Variants in ZFC3H1 observed in about 807,000 individuals in gnomAD.
The protein encoded by ZFC3H1 is zinc finger C3H1-type containing, also known as zinc finger C3H1 domain-containing protein.
A neutral mutation model predicts 243.7 loss-of-function variants in ZFC3H1; 71 were observed. The ratio of observed to expected loss-of-function variants is 0.29; its 90% CI spans 0.24 to 0.36. The LOEUF is 0.36. Ranked by LOEUF, ZFC3H1 falls within the 10% of genes least tolerant of loss-of-function variation. The pLI, the probability that ZFC3H1 is intolerant of heterozygous loss-of-function variation, is 1.00. For synonymous variants in ZFC3H1, 838 were observed against 813.0 expected, an observed-to-expected ratio of 1.03 and a Z score of -0.52; for missense variants, 1,966 against 2,317.1, an observed-to-expected ratio of 0.85 and a Z score of 3.11.
Position 71,628,964 on chromosome 12 carries a change from A to G in ZFC3H1, c.3900T>C (p.Asn1300=). 1 of 1,613,156 alleles carries G rather than the reference A, an allele frequency of 6.2e-7. No individual in the cohort carries two copies. The highest frequency in any genetic ancestry group is 1.1e-5 in the South Asian group (1 of 90,948). Residue 1300 remains asparagine (N), a synonymous_variant, in exon 20 of 35, where the codon AAT becomes AAC. Transcript: ENST00000378743. The part of the protein sequence containing the change: ...PKFWRKPISD[N]SFSSDEEQST... ...ACTGTTCCTCATCACTACTGAAGCTATTATCTGAAATAGGTTTTCTCCAAA... is the reference window on the plus strand; with the variant it reads ...ACTGTTCCTCATCACTACTGAAGCTGTTATCTGAAATAGGTTTTCTCCAAA...
At chr12:71,635,711 T>G (rs150739135) in intron 9 of ZFC3H1, 131 bp from the exon 10 acceptor site, 1 of 762,540 alleles carries the variant, frequency 1.3e-6, no homozygotes, top group East Asian at 3.1e-5. Context: ...TATTACATAA[T>G]CCACTGAGTC....
In ZFC3H1 at chr12:71,627,884, T is replaced by A; in HGVS notation, c.3997A>T (p.Thr1333Ser). The change falls in exon 21 of 35, where the codon ACT (threonine) becomes TCT (serine). Residue 1333 changes from threonine to serine, a missense_variant. Thr to Ser is a moderately conservative substitution (Grantham distance 58). Coordinates refer to ENST00000378743, the MANE Select transcript of ZFC3H1 (RefSeq NM_144982.5). ...GTAAAGTATCTGACATCATCTGGAG[T>A]GACAACTGTATCCAGAGCTGGAACA... ...INVPALDTVV[T>S]PDDVRYFTNE... is the part of the protein sequence containing the mutation. The A allele has an allele frequency of 6.2e-7, 1 of 1,613,466 alleles. No individual in the cohort carries two copies. Among genetic ancestry groups the A allele is most frequent in the Non-Finnish European group, 8.5e-7 (1 of 1,179,788 alleles).
chr12:71,620,283 C>T lies in ZFC3H1; in HGVS notation c.4777G>A (p.Ala1593Thr), dbSNP rs1879993267. ...CAGGCCTCTATTCTTTCCTCAACAG[C>T]AAGGCTCTCATCTGTGCAAGCTTTC... ...AVKACTDESL[A>T]VEERIEACLP... is the part of the protein sequence containing the mutation. Residue 1593 changes from alanine (A) to threonine (T), a missense_variant, in exon 25 of 35, where the codon GCT becomes ACT. Ala to Thr is a moderately conservative substitution (Grantham distance 58). Coordinates refer to ENST00000378743, the MANE Select transcript of ZFC3H1 (RefSeq NM_144982.5). 1.9e-6 allele frequency: 3 copies of T among 1,614,044 alleles called. No homozygotes were observed. The highest frequency in any genetic ancestry group is 1.7e-6 in the Non-Finnish European group (2 of 1,180,026).
intron 1 of ZFC3H1, among the ~76,000 whole-genome samples, chr12:71,660,995 T>TA (rs1881157311): frequency 6.6e-6 from 1 of 151,466 alleles, no homozygotes; most frequent in African/African-American, 2.4e-5. Flanking sequence ...TTTTTTTAAT[T>TA]AAAAAAATTT....
At chr12:71,635,402 A>T (rs965156649) in intron 10 of ZFC3H1, 41 bp downstream of exon 10, 2 of 1,543,800 alleles carry the variant, frequency 1.3e-6, no homozygotes, top group Non-Finnish European at 1.7e-6. Context: ...ACTGATCATC[A>T]AAAGGTCATC....
At chr12:71,621,683 T>G (rs1880032783) in intron 24 of ZFC3H1, among the ~76,000 whole-genome samples, 1 of 152,106 alleles carries the variant, frequency 6.6e-6, no homozygotes. Context: ...ATACTACTCC[T>G]ACCATCAAAA....
intron 13 of ZFC3H1, 83 bp from the exon 14 acceptor site, chr12:71,633,100 G>T: frequency 6.9e-7 from 1 of 1,454,280 alleles, no homozygotes; most frequent in South Asian, 1.3e-5. Flanking sequence ...CGTGGCTTTT[G>T]AGCATTCAAC....
Position 71,638,803 on chromosome 12 carries a change from C to A in ZFC3H1, c.1628-288G>T, listed in dbSNP as rs1260463655. 2.0e-5 allele frequency among the ~76,000 whole-genome samples: 3 copies of A among 151,568 alleles called. No homozygotes were observed. In the East Asian group the frequency reaches 5.8e-4, roughly 29 times the overall value. On this transcript the variant is annotated intron_variant, in intron 6 of 34. Transcript: ENST00000378743. ...GAACAGGGAATAAAGCAGGAAAAGA[C>A]AGAAACATACTTTAAAAAAACAAAC...
At chr12:71,624,694 G>C (rs1237379349) in intron 22 of ZFC3H1, among the ~76,000 whole-genome samples, 1 of 152,230 alleles carries the variant, frequency 6.6e-6, no homozygotes, top group Non-Finnish European at 1.5e-5. Context: ...TTAGAAATGT[G>C]CTGGACGCGA....
chr12:71,627,547 C>T (rs890979191), intron 21 of ZFC3H1, among the ~76,000 whole-genome samples: 3 of 152,088 alleles, frequency 2.0e-5, no homozygotes, highest in African/African-American at 4.8e-5. Flanking sequence ...ATTACCCATA[C>T]ACTGAGCCAT....
In ZFC3H1 at chr12:71,663,340, G is replaced by C; in HGVS notation, c.271C>G (p.His91Asp). 2 of 1,613,196 alleles carry C rather than the reference G, an allele frequency of 1.2e-6. No individual in the cohort carries two copies. The highest frequency in any genetic ancestry group is 1.7e-6 in the Non-Finnish European group (2 of 1,180,026). ...CTGAGGTGGCCCCGCTCAGACGCGT[G>C]CCGCGAGCGTGAGAAATTCCTCAGC... Reference protein sequence around the residue: ...QQLRNFSRSRHASERGHLRGP... With the variant: ...QQLRNFSRSRDASERGHLRGP... The change falls in exon 1 of 35, where the codon CAC (histidine) becomes GAC (aspartate). Residue 91 changes from histidine (H) to aspartate (D), a missense_variant. Transcript: ENST00000378743.
intron 13 of ZFC3H1, 87 bp from the exon 14 acceptor site, chr12:71,633,104 A>G: frequency 6.9e-7 from 1 of 1,439,930 alleles, no homozygotes; most frequent in Non-Finnish European, 9.3e-7. Flanking sequence ...GCTTTTGAGC[A>G]TTCAACTGAA....
intron 1 of ZFC3H1, among the ~76,000 whole-genome samples, chr12:71,661,964 G>C (rs1375695840): frequency 6.6e-6 from 1 of 152,136 alleles, no homozygotes; most frequent in Non-Finnish European, 1.5e-5. Flanking sequence ...TTCTATAAAA[G>C]TAATTCTGAT....
rs1880628615 is a variant in ZFC3H1 at position 71,642,655 on chromosome 12, A to G, written c.1504-96T>C. 3.6e-6 allele frequency: 5 copies of G among 1,405,622 alleles called. No homozygotes were observed. The African/African-American group carries it at 4.3e-5, about 12-fold the overall frequency. The allele number at this position is 1,405,622 out of a possible 1,614,324, so 87.1% of individuals were successfully genotyped here. A position where few individuals can be genotyped will look rare whatever the true frequency, so the allele number is the denominator to read the frequency against. On this transcript the variant is annotated intron_variant, in intron 5 of 34. Transcript: ENST00000378743. ...AGTTATCTTCTATGGAAGAGTATCAAAAATCATGGTGATTCAGTTAGATGT... is the reference window on the plus strand; with the variant it reads ...AGTTATCTTCTATGGAAGAGTATCAGAAATCATGGTGATTCAGTTAGATGT...
intron 2 of ZFC3H1, among the ~76,000 whole-genome samples, chr12:71,651,338 C>T (rs1880881478): frequency 6.6e-6 from 1 of 152,210 alleles, no homozygotes; most frequent in African/African-American, 2.4e-5. Context: ...ATTAGTGCTG[C>T]AACCTGTATC....
intron 2 of ZFC3H1, among the ~76,000 whole-genome samples, chr12:71,653,278 G>A (rs1023188118): frequency 6.6e-6 from 1 of 152,136 alleles, no homozygotes; most frequent in Admixed American, 6.5e-5. Flanking sequence ...TGGGCTTAAG[G>A]CAAATCGAAT....
chr12:71,628,769 G>T, intron 20 of ZFC3H1, 149 bp downstream of exon 20: 1 of 674,604 alleles, frequency 1.5e-6, no homozygotes, highest in South Asian at 2.6e-5. Context: ...TGAATTAACT[G>T]TATTGTCTAA....
rs147617496 is a variant in ZFC3H1, at chr12:71,659,677, A to G, written c.599-2376T>C. On this transcript the variant is annotated intron_variant, in intron 1 of 34. Transcript: ENST00000378743. ...AATTGAGTTACAACTATAACTGACTAATCTCCTTCAAGGCTAAAGAAAATC... is the reference window on the plus strand; with the variant it reads ...AATTGAGTTACAACTATAACTGACTGATCTCCTTCAAGGCTAAAGAAAATC... Among the ~76,000 whole-genome samples, 225 of 152,340 alleles carry G rather than the reference A, an allele frequency of 1.5e-3. 1 individual carries two copies. Among genetic ancestry groups the G allele is most frequent in the Non-Finnish European group, 1.4e-3 (96 of 68,030 alleles).
intron 21 of ZFC3H1, 58 bp from the exon 22 acceptor site, chr12:71,626,504 T>G: frequency 6.9e-7 from 1 of 1,456,214 alleles, no homozygotes; most frequent in Non-Finnish European, 9.3e-7. Context: ...AAAATTTAAA[T>G]AGGGCTAATC....
Sources: allele counts gnomAD v4.1 joint callset (sites outside exome capture counted in the v4.1 genomes callset), GRCh38; gene constraint gnomAD v4.1.1; transcripts MANE v1.5; gene names NCBI Gene and HGNC (gene_info 2026-07-23, HGNC 2026-07-21).